The following BTG4 variants were observed in gnomAD, a reference collection of about 807,000 sequenced individuals.
BTG4 encodes the protein BTG anti-proliferation factor 4.
Under a neutral mutation model 19.3 loss-of-function variants are expected in BTG4, and 10 were observed. The observed-to-expected ratio is 0.52, with a 90% confidence interval of 0.32 to 0.88. The LOEUF is 0.88. BTG4 is among the 40% of genes least tolerant of loss of function. The probability of loss-of-function intolerance (pLI) is 0.04; values close to 1 mark genes in which losing one functional copy is unlikely to be tolerated. For synonymous variants in BTG4, 91 were observed against 95.7 expected (o/e 0.95, Z 0.29); for missense variants, 238 against 281.9 (o/e 0.84, Z 1.11).
At chr11:111,422,385 G>A in the BTG4 span, among the ~76,000 whole-genome samples, 46 of 152,148 alleles carry the variant, frequency 3.0e-4, 1 homozygote, top group Non-Finnish European at 5.9e-4. Flanking sequence ...GCTGCTGTAC[G>A]TGGCCTCTGA....
chr11:111,461,697 AC>A, the BTG4 span, among the ~76,000 whole-genome samples: 1 of 152,168 alleles, frequency 6.6e-6, no homozygotes, highest in South Asian at 2.1e-4. Flanking sequence ...CTCAGCAACA[AC>A]ATGAGACTCC....
downstream of BTG4, chr11:111,463,632 A>G (rs981269653): frequency 6.6e-6 from 1 of 152,402 alleles, no homozygotes; most frequent in Non-Finnish European, 1.5e-5. Flanking sequence ...GAGGAACCAA[A>G]TGCATTAGTT....
the BTG4 span, chr11:111,456,598 C>T: frequency 2.2e-6 from 1 of 453,850 alleles, no homozygotes; most frequent in Non-Finnish European, 4.4e-6. This position sits in a 1 kb window ranked among gnomAD's most constrained non-coding sequence, Gnocchi z 4.2. Flanking sequence ...CTCCTTGATG[C>T]TTCCAGCCAG....
At chr11:111,463,114 C>A (rs1200730256), downstream of BTG4, 2 of 152,816 alleles carry the variant, frequency 1.3e-5, no homozygotes. Context: ...GGCTAAGGCC[C>A]TGGGTCAGCT....
chr11:111,390,749 T>C, the BTG4 span, among the ~76,000 whole-genome samples: 1 of 152,186 alleles, frequency 6.6e-6, no homozygotes, highest in African/African-American at 2.4e-5. Flanking sequence ...ATCTTGACTC[T>C]CCCTCTTTCT....
At chr11:111,491,555 C>A (rs1454681003), downstream of BTG4, among the ~76,000 whole-genome samples, 1 of 151,972 alleles carries the variant, frequency 6.6e-6, no homozygotes, top group Non-Finnish European at 1.5e-5. Flanking sequence ...CAAGGCCAGC[C>A]TGGGCAACAT....
chr11:111,388,845 G>A, the BTG4 span, among the ~76,000 whole-genome samples: 223 of 152,346 alleles, frequency 1.5e-3, no homozygotes, highest in African/African-American at 5.1e-3. Context: ...AAGGCTCAAA[G>A]GAGTAAAGTG....
Position 111,498,660 on chromosome 11 carries a change from A to C in BTG4, c.117T>G (p.Phe39Leu), listed in dbSNP as rs1220738292. 3 of 1,613,934 alleles carry C rather than the reference A, an allele frequency of 1.9e-6. No individual in the cohort carries two copies. The highest frequency in any genetic ancestry group is 3.3e-5 in the Admixed American group (2 of 59,954). The change falls in exon 2 of 5, where the codon TTT (phenylalanine) becomes TTG (leucine). Residue 39 changes from phenylalanine to leucine, a missense_variant. By Grantham distance (22) the Phe-to-Leu change is conservative (BLOSUM62 0). Coordinates refer to ENST00000692032, the MANE Select transcript of BTG4 (RefSeq NM_001367975.1). The part of the protein sequence containing the change: ...DFAEKLMTIL[F>L]ETYRSHWHSD... ...AGTGCCAGTGACTTCTGTATGTTTCAAACAAGATCGTCATCAGCTTTTCTG... is the reference window on the plus strand; with the variant it reads ...AGTGCCAGTGACTTCTGTATGTTTCCAACAAGATCGTCATCAGCTTTTCTG...
chr11:111,501,551 G>A (rs971213037), intron 1 of BTG4, among the ~76,000 whole-genome samples: 4 of 152,158 alleles, frequency 2.6e-5, no homozygotes, highest in Admixed American at 2.6e-4. Flanking sequence ...TAGTATTCCA[G>A]TACAGCAGAG....
At chr11:111,454,270 G>A in the BTG4 span, 1 of 456,384 alleles carries the variant, frequency 2.2e-6, no homozygotes, top group South Asian at 1.6e-5. Flanking sequence ...AGGTAGATCT[G>A]GAGTGGTTTG....
chr11:111,413,773 A>G, the BTG4 span, among the ~76,000 whole-genome samples: 1 of 152,246 alleles, frequency 6.6e-6, no homozygotes, highest in Non-Finnish European at 1.5e-5. Context: ...AGGAAGGCTC[A>G]GCAGTAGGTT....
At chr11:111,497,800 TCA>T (rs1372340210) in intron 3 of BTG4, among the ~76,000 whole-genome samples, 196 bp downstream of exon 3, 1 of 152,220 alleles carries the variant, frequency 6.6e-6, no homozygotes, top group Non-Finnish European at 1.5e-5. Context: ...TTTTGCAAAA[TCA>T]TTGTGCTTTC....
chr11:111,442,921 T>A, the BTG4 span, among the ~76,000 whole-genome samples: 1 of 152,194 alleles, frequency 6.6e-6, no homozygotes, highest in South Asian at 2.1e-4. Flanking sequence ...AACTGCCCAC[T>A]CCTTAAGTGT....
chr11:111,496,355 C>T (rs189739903), intron 4 of BTG4, among the ~76,000 whole-genome samples: 2 of 152,238 alleles, frequency 1.3e-5, no homozygotes, highest in East Asian at 3.9e-4. Context: ...AATGTTCATA[C>T]TCTGCGACCC....
At chr11:111,459,757 C>T in the BTG4 span, 3 of 152,650 alleles carry the variant, frequency 2.0e-5, no homozygotes, top group African/African-American at 7.2e-5. Context: ...GATGCCACAC[C>T]GCTGGCAGGC....
At chr11:111,420,600 CA>C in the BTG4 span, among the ~76,000 whole-genome samples, 1 of 152,194 alleles carries the variant, frequency 6.6e-6, no homozygotes, top group Non-Finnish European at 1.5e-5. Flanking sequence ...CTACTTTGCC[CA>C]CCTGTGGTTC....
chr11:111,435,552 G>T, the BTG4 span, among the ~76,000 whole-genome samples: 4 of 152,170 alleles, frequency 2.6e-5, no homozygotes, highest in Admixed American at 1.3e-4. Flanking sequence ...TTCTTTGGCT[G>T]AGTAACATAA....
At chr11:111,466,715 C>T (rs1259479169), downstream of BTG4, 5 of 152,626 alleles carry the variant, frequency 3.3e-5, no homozygotes, top group African/African-American at 1.2e-4. Flanking sequence ...GAAATTATTA[C>T]TGGTTTCTCC....
At chr11:111,428,774 G>T in the BTG4 span, among the ~76,000 whole-genome samples, 4 of 152,160 alleles carry the variant, frequency 2.6e-5, no homozygotes, top group Non-Finnish European at 4.4e-5. Context: ...GGCTACCAGG[G>T]TCTACCAGTG....
Sources: allele counts gnomAD v4.1 joint callset (sites outside exome capture counted in the v4.1 genomes callset), GRCh38; gene constraint gnomAD v4.1.1; non-coding constraint Gnocchi (gnomAD v3.1); transcripts MANE v1.5; gene names NCBI Gene and HGNC (gene_info 2026-07-23, HGNC 2026-07-21).